The following HOOK3 variants were observed in gnomAD, a reference collection of about 807,000 sequenced individuals.
HOOK3 encodes the protein protein Hook homolog 3.
A neutral mutation model predicts 116.3 loss-of-function variants in HOOK3; 24 were observed. The ratio of observed to expected loss-of-function variants is 0.21; its 90% CI spans 0.15 to 0.29. The LOEUF (loss-of-function observed/expected upper bound fraction) is 0.29, where lower values mean the gene tolerates loss of function less well. HOOK3 is among the 10% of genes least tolerant of loss of function. The pLI, the probability that HOOK3 is intolerant of heterozygous loss-of-function variation, is 1.00. For missense variants in HOOK3, 632 were observed against 830.2 expected, an observed-to-expected ratio of 0.76 and a Z score of 2.93; for synonymous variants, 275 against 283.0, an observed-to-expected ratio of 0.97 and a Z score of 0.28.
chr8:42,917,196 A>G (rs1218665860), intron 2 of HOOK3, among the ~76,000 whole-genome samples: 2 of 152,256 alleles, frequency 1.3e-5, no homozygotes, highest in African/African-American at 4.8e-5. Flanking sequence ...CATATGGCAG[A>G]AAACAAAACT....
intron 13 of HOOK3, among the ~76,000 whole-genome samples, chr8:42,976,040 ATGTGTGTGTGTG>A (rs10675533): frequency 2.0e-5 from 3 of 148,732 alleles, no homozygotes; most frequent in African/African-American, 7.4e-5. Context: ...GTATATATAT[ATGTGTGTGTGTG>A]TGTGTGTGTG....
chr8:42,950,686 C>T (rs868268363), intron 6 of HOOK3, among the ~76,000 whole-genome samples: 1 of 151,118 alleles, frequency 6.6e-6, no homozygotes. Flanking sequence ...ATAACTATTC[C>T]TAAATTTTTT....
intron 2 of HOOK3, among the ~76,000 whole-genome samples, chr8:42,923,988 A>G: frequency 6.6e-6 from 1 of 152,168 alleles, no homozygotes; most frequent in African/African-American, 2.4e-5. Flanking sequence ...GAATAGGTAA[A>G]AATTCTGAAT....
At position 42,897,108 on chromosome 8, in the gene HOOK3, C is replaced by G; in HGVS notation, c.-24C>G. The G allele has an allele frequency of 8.1e-7, 1 of 1,240,894 alleles. No individual in the cohort carries two copies. The highest frequency in any genetic ancestry group is 4.1e-5 in the South Asian group (1 of 24,516). The allele number at this position is 1,240,894 out of a possible 1,614,324, so 76.9% of individuals were successfully genotyped here. A position where few individuals can be genotyped will look rare whatever the true frequency, so the allele number is the denominator to read the frequency against. On this transcript the variant is annotated 5_prime_UTR_variant, in exon 1 of 22. Transcript: ENST00000307602. ...CGGCGGTGTCTGGCCAGGCGGTAGG[C>G]GCTGCCTGGCCGCGGCGGGGAAGAT...
chr8:42,969,797 C>A (rs959016810), intron 11 of HOOK3, among the ~76,000 whole-genome samples: 1 of 152,062 alleles, frequency 6.6e-6, no homozygotes, highest in Admixed American at 6.6e-5. Flanking sequence ...TTATCTTTTA[C>A]CCACTTAAAA....
At chr8:42,986,388 CAG>C (rs1161557748) in intron 14 of HOOK3, among the ~76,000 whole-genome samples, 2 of 152,030 alleles carry the variant, frequency 1.3e-5, no homozygotes, top group Non-Finnish European at 2.9e-5. Flanking sequence ...ATATTTAAAT[CAG>C]GGAAGAAATA....
At chr8:43,001,968 T>C (rs1369282504) in intron 16 of HOOK3, 139 bp from the exon 17 acceptor site, 9 of 581,818 alleles carry the variant, frequency 1.5e-5, no homozygotes, top group Non-Finnish European at 2.5e-5. Flanking sequence ...TGGGGTACAT[T>C]GTGTGTTTTC....
intron 1 of HOOK3, among the ~76,000 whole-genome samples, chr8:42,904,395 C>T (rs1325957447): frequency 2.0e-5 from 3 of 151,212 alleles, no homozygotes; most frequent in Admixed American, 6.6e-5. Context: ...CTGCAACCTC[C>T]GCCTCCCGGG....
chr8:42,996,881 T>C (rs1809279118), intron 15 of HOOK3, among the ~76,000 whole-genome samples: 1 of 145,798 alleles, frequency 6.9e-6, no homozygotes, highest in African/African-American at 2.5e-5. Flanking sequence ...TTTAATTCCG[T>C]GAGGGCAGGG....
chr8:43,002,171 T>G (rs746031141), intron 17 of HOOK3, 30 bp downstream of exon 17: 16 of 1,552,856 alleles, frequency 1.0e-5, no homozygotes, highest in South Asian at 3.4e-5. Context: ...AGGCTGATTC[T>G]TCTATAGTGG....
chr8:42,994,715 A>G (rs981493861), intron 15 of HOOK3, among the ~76,000 whole-genome samples: 1 of 152,180 alleles, frequency 6.6e-6, no homozygotes, highest in African/African-American at 2.4e-5. Flanking sequence ...TACTTTTTTC[A>G]TAAATATTTT....
At chr8:42,997,193 A>C (rs7004940) in intron 15 of HOOK3, among the ~76,000 whole-genome samples, 12,479 of 152,072 alleles carry the variant, frequency 0.082, 1,243 homozygotes, top group African/African-American at 0.24. Context: ...GCCACCACCC[A>C]CTTCCTGAGT....
At chr8:42,899,418 C>T (rs527797317) in intron 1 of HOOK3, among the ~76,000 whole-genome samples, 9 of 152,214 alleles carry the variant, frequency 5.9e-5, no homozygotes, top group African/African-American at 2.2e-4. Context: ...TGAAGATGTA[C>T]AGTTCTAAAA....
At chr8:42,938,837 G>C (rs1305881388) in intron 4 of HOOK3, among the ~76,000 whole-genome samples, 1 of 152,070 alleles carries the variant, frequency 6.6e-6, no homozygotes, top group African/African-American at 2.4e-5. Flanking sequence ...AAAGGTCTCT[G>C]GTTTTCCTAG....
chr8:42,972,035 A>G (rs1299263753), intron 11 of HOOK3, among the ~76,000 whole-genome samples: 3 of 152,108 alleles, frequency 2.0e-5, no homozygotes, highest in African/African-American at 7.2e-5. Flanking sequence ...AAGTATGTAT[A>G]TTTTGTATCT....
At position 43,027,362 on chromosome 8, in the gene HOOK3, C is replaced by A; in HGVS notation, c.*8864C>A. The A allele has an allele frequency of 2.7e-6, 1 of 377,170 alleles. No individual in the cohort carries two copies. Among genetic ancestry groups the A allele is most frequent in the Non-Finnish European group, 5.1e-6 (1 of 194,418 alleles). The allele number at this position is 377,170 out of a possible 1,614,324, so 23.4% of individuals were successfully genotyped here. On this transcript the variant is annotated 3_prime_UTR_variant, in exon 22 of 22. Transcript: ENST00000307602. The stretch of plus-strand genomic sequence containing the variant: ...GTTTATTATGTTACATAAATATGGA[C>A]ACAATTACTGCCAAAGAATAGAGAG...
Position 43,018,610 on chromosome 8 carries a change from A to C in HOOK3, c.*112A>C. 9.4e-7 allele frequency: 1 copy of C among 1,065,790 alleles called. No individual in the cohort carries two copies. The highest frequency in any genetic ancestry group is 1.3e-6 in the Non-Finnish European group (1 of 775,210). The allele number at this position is 1,065,790 out of a possible 1,614,324, so 66.0% of individuals were successfully genotyped here. ...TATTTTTTGTTTCTCTTCTATGTCA[A>C]TACTTAGTGTTTCTCATTTTGAGGA... On this transcript the variant is annotated 3_prime_UTR_variant, in exon 22 of 22. Coordinates refer to ENST00000307602, the MANE Select transcript of HOOK3 (RefSeq NM_032410.4).
At position 42,957,176 on chromosome 8, in the gene HOOK3, T is replaced by G. The variant is rs1367860439; in HGVS notation, c.531+20T>G. 19 of 1,487,824 alleles carry G rather than the reference T, an allele frequency of 1.3e-5. No individual in the cohort carries two copies. Among genetic ancestry groups the G allele is most frequent in the Non-Finnish European group, 1.7e-5 (18 of 1,082,416 alleles). 92.2% of individuals were successfully genotyped at this position (1,487,824 alleles called of 1,614,324 possible). A position where few individuals can be genotyped will look rare whatever the true frequency, so the allele number is the denominator to read the frequency against. On this transcript the variant is annotated intron_variant, in intron 7 of 21. Transcript: ENST00000307602. Reference sequence around the variant, plus strand: ...CGTCAGGTATATAATTTTACATTGTTTTTATTCATGAAAAGGTTGAAAAGG... The same window carrying G: ...CGTCAGGTATATAATTTTACATTGTGTTTATTCATGAAAAGGTTGAAAAGG...
At chr8:42,929,545 G>A (rs1807835795) in intron 3 of HOOK3, among the ~76,000 whole-genome samples, 1 of 152,044 alleles carries the variant, frequency 6.6e-6, no homozygotes, top group Non-Finnish European at 1.5e-5. Flanking sequence ...CAATAAATAG[G>A]GCAGGTGATT....
Sources: allele counts gnomAD v4.1 joint callset (sites outside exome capture counted in the v4.1 genomes callset), GRCh38; gene constraint gnomAD v4.1.1; transcripts MANE v1.5; gene names NCBI Gene and HGNC (gene_info 2026-07-23, HGNC 2026-07-21).